PDE4A: variants seen among roughly 807,000 people sequenced by gnomAD.
PDE4A encodes 3',5'-cyclic-AMP phosphodiesterase 4A.
Under a neutral mutation model 73.9 loss-of-function variants are expected in PDE4A, and 21 were observed. The observed-to-expected ratio is 0.28, with a 90% confidence interval of 0.20 to 0.41. PDE4A has a LOEUF of 0.41. Ranked by LOEUF, PDE4A falls within the 10% of genes least tolerant of loss-of-function variation. The pLI is 1.00. For missense variants in PDE4A, 958 were observed against 1,211.4 expected (o/e 0.79, Z 3.10); for synonymous variants, 463 against 505.4 (o/e 0.92, Z 1.13).
At chr19:10,460,940 C>CAGGT in intron 10 of PDE4A, 64 bp from the exon 11 acceptor site, 1 of 1,525,406 alleles carries the variant, frequency 6.6e-7, no homozygotes, top group Non-Finnish European at 8.9e-7. Context: ...GTGAGACAAA[C>CAGGT]AGGTGCTCAC....
chr19:10,455,629 G>A (rs890131873), intron 7 of PDE4A, among the ~76,000 whole-genome samples: 17 of 152,066 alleles, frequency 1.1e-4, no homozygotes, highest in African/African-American at 1.4e-4. Flanking sequence ...GTGAGACTCC[G>A]TCTCAAAACA....
At position 10,453,067 on chromosome 19, in the gene PDE4A, G is replaced by A. The variant is rs1347846804; in HGVS notation, c.784-1762G>A. On this transcript the variant is annotated intron_variant, in intron 6 of 14. Transcript: ENST00000380702. The surrounding 1 kb of genome is among the most constrained non-coding windows in gnomAD (Gnocchi z 4.6). ...GCCCGTTGGGGCCCAGGGCTGGCGG[G>A]CCATGTAACCAGGGCTGCTGCTGGG... 3 of 1,335,608 alleles carry A rather than the reference G, an allele frequency of 2.2e-6. No individual in the cohort carries two copies. Among genetic ancestry groups the A allele is most frequent in the Non-Finnish European group, 2.9e-6 (3 of 1,045,084 alleles). The allele number at this position is 1,335,608 out of a possible 1,614,324, so 82.7% of individuals were successfully genotyped here. A position where few individuals can be genotyped will look rare whatever the true frequency, so the allele number is the denominator to read the frequency against.
intron 14 of PDE4A, among the ~76,000 whole-genome samples, chr19:10,465,736 C>G (rs1336494278): frequency 2.0e-5 from 2 of 101,342 alleles, no homozygotes; most frequent in East Asian, 6.0e-4. Context: ...GTCTCACTCT[C>G]GTTCCCCAGG....
Position 10,453,932 on chromosome 19 carries a change from G to T in PDE4A, c.784-897G>T, listed in dbSNP as rs879923663. ...CCCCGTCCAAGCCTGGGCCATGCAG[G>T]CTCACCCCTCCTGCCAAGTGTCCCT... On this transcript the variant is annotated intron_variant, in intron 6 of 14. Coordinates refer to ENST00000380702, the MANE Select transcript of PDE4A (RefSeq NM_001111307.2). This position sits in a 1 kb window ranked among gnomAD's most constrained non-coding sequence, Gnocchi z 4.6. Among the ~76,000 whole-genome samples, 5 of 152,140 alleles carry T rather than the reference G, an allele frequency of 3.3e-5. No homozygotes were observed. Among genetic ancestry groups the T allele is most frequent in the Non-Finnish European group, 5.9e-5 (4 of 68,012 alleles).
In PDE4A at chr19:10,424,625, T is replaced by A. The variant is rs2042691937; in HGVS notation, c.320+3541T>A. Among the ~76,000 whole-genome samples, 1 of 152,250 alleles carries A rather than the reference T, an allele frequency of 6.6e-6. No individual in the cohort carries two copies. The highest frequency in any genetic ancestry group is 1.5e-5 in the Non-Finnish European group (1 of 68,038). ...ATTATTATTTTATGCTTATTGAGCG[T>A]CCTGGAGAGCGGGCGCCAGGCCGGC... On this transcript the variant is annotated intron_variant, in intron 1 of 14. Transcript: ENST00000380702. This position sits in a 1 kb window ranked among gnomAD's most constrained non-coding sequence, Gnocchi z 4.8.
At chr19:10,432,859 G>T (rs2042814054) in intron 1 of PDE4A, among the ~76,000 whole-genome samples, 8 of 152,148 alleles carry the variant, frequency 5.3e-5, no homozygotes, top group Admixed American at 5.2e-4. Flanking sequence ...CACTTTGGCT[G>T]CAAATATGGG....
In PDE4A at chr19:10,459,753, A is replaced by G; in HGVS notation, c.1359A>G (p.Ala453=). ...QSTHVLLATP[A]LDAVFTDLEI... is the part of the protein sequence containing the mutation. ...CCCACGTACTGCTGGCCACGCCTGC[A>G]CTAGATGTGAGTGACTGCCCTGTGA... The change falls in exon 10 of 15, where the codon GCA becomes GCG. Residue 453 remains alanine (A), a synonymous_variant. Coordinates refer to ENST00000380702, the MANE Select transcript of PDE4A (RefSeq NM_001111307.2). 8 of 1,607,456 alleles carry G rather than the reference A, an allele frequency of 5.0e-6. No individual in the cohort carries two copies. The highest frequency in any genetic ancestry group is 1.7e-4 in the Middle Eastern group (1 of 5,820).
intron 1 of PDE4A, among the ~76,000 whole-genome samples, chr19:10,430,664 C>G (rs944393595): frequency 6.6e-6 from 1 of 151,732 alleles, no homozygotes; most frequent in South Asian, 2.1e-4. Context: ...CCACCAGAGC[C>G]GTGCGGGCGC....
At chr19:10,462,635 C>T (rs2043293049) in intron 13 of PDE4A, among the ~76,000 whole-genome samples, 1 of 151,790 alleles carries the variant, frequency 6.6e-6, no homozygotes. Flanking sequence ...TTCTGTCTGT[C>T]CCCTTCTCCA....
intron 6 of PDE4A, among the ~76,000 whole-genome samples, chr19:10,451,658 T>C (rs968685274): frequency 2.0e-5 from 3 of 152,002 alleles, no homozygotes; most frequent in Non-Finnish European, 4.4e-5. Flanking sequence ...AAACTGAATG[T>C]GTAGCTCTAT....
intron 1 of PDE4A, among the ~76,000 whole-genome samples, chr19:10,445,665 G>A (rs932669952): frequency 6.6e-6 from 1 of 151,514 alleles, no homozygotes; most frequent in Non-Finnish European, 1.5e-5. Context: ...CTACGCAGGA[G>A]GCTGAGGCAG....
At chr19:10,465,462 C>T (rs1272485625) in intron 14 of PDE4A, among the ~76,000 whole-genome samples, 8 of 151,074 alleles carry the variant, frequency 5.3e-5, no homozygotes, top group Non-Finnish European at 1.0e-4. Flanking sequence ...TCAGGTGATC[C>T]GCCCACCTCG....
chr19:10,449,613 G>A (rs1334719064), intron 4 of PDE4A, among the ~76,000 whole-genome samples: 1 of 152,048 alleles, frequency 6.6e-6, no homozygotes, highest in Non-Finnish European at 1.5e-5. Context: ...ACCCGCCTCA[G>A]CCTCCCAAAG....
In PDE4A at chr19:10,424,955, G is replaced by A. The variant is rs1320850837; in HGVS notation, c.320+3871G>A. ...TAAAAACCAGATCTCGGCCAGGCGC[G>A]GTGGCTCTGTAATCTGAGCACTTTG... On this transcript the variant is annotated intron_variant, in intron 1 of 14. Transcript: ENST00000380702. The surrounding 1 kb of genome is among the most constrained non-coding windows in gnomAD (Gnocchi z 4.8). Among the ~76,000 whole-genome samples the A allele has an allele frequency of 6.6e-6, 1 of 152,172 alleles. No individual in the cohort carries two copies. The highest frequency in any genetic ancestry group is 1.5e-5 in the Non-Finnish European group (1 of 68,010).
chr19:10,450,556 G>C, intron 4 of PDE4A, 47 bp from the exon 5 acceptor site: 2 of 1,554,804 alleles, frequency 1.3e-6, no homozygotes, highest in Non-Finnish European at 1.7e-6. Context: ...GGGACCTGGT[G>C]GGGGGACCCA....
rs74944457 is a variant in PDE4A, at chr19:10,463,520, G to A, written c.1744-273G>A. Among the ~76,000 whole-genome samples the A allele has an allele frequency of 5.1e-3, 774 of 150,690 alleles. 12 individuals carry two copies. The highest frequency in any genetic ancestry group is 0.033 in the East Asian group (169 of 5,144). Reference sequence around the variant, plus strand: ...GGGTTCAAGCAATTCTCCTGCCTCAGCCCCACTATAGCTGGGATTACAGGC... The same window carrying A: ...GGGTTCAAGCAATTCTCCTGCCTCAACCCCACTATAGCTGGGATTACAGGC... On this transcript the variant is annotated intron_variant, in intron 13 of 14. Coordinates refer to ENST00000380702, the MANE Select transcript of PDE4A (RefSeq NM_001111307.2).
In PDE4A at chr19:10,463,861, G is replaced by A. The variant is rs749694677; in HGVS notation, c.1812G>A (p.Gln604=). ...NPTKPLELYR[Q]WTDRIMAEFF... ...CCAAGCCGCTGGAGCTGTACCGCCA[G>A]TGGACAGACCGCATCATGGCCGAGT... The change falls in exon 14 of 15, where the codon CAG becomes CAA. Residue 604 remains glutamine, a synonymous_variant. Transcript: ENST00000380702. 9.9e-6 allele frequency: 16 copies of A among 1,614,192 alleles called. No homozygotes were observed. The South Asian group carries it at 1.2e-4, about 12-fold the overall frequency.
intron 11 of PDE4A, chr19:10,461,325 G>C: frequency 2.2e-6 from 2 of 902,384 alleles, no homozygotes; most frequent in African/African-American, 1.9e-5. Context: ...GGCTGGAAAG[G>C]GGATGAACGG....
intron 1 of PDE4A, among the ~76,000 whole-genome samples, chr19:10,434,435 T>C (rs963283141): frequency 4.6e-5 from 7 of 152,116 alleles, no homozygotes; most frequent in Admixed American, 2.0e-4. Context: ...CTCAAACTCC[T>C]GGCCCTAAGT....
Sources: allele counts gnomAD v4.1 joint callset (sites outside exome capture counted in the v4.1 genomes callset), GRCh38; gene constraint gnomAD v4.1.1; non-coding constraint Gnocchi (gnomAD v3.1); transcripts MANE v1.5; gene names NCBI Gene and HGNC (gene_info 2026-07-23, HGNC 2026-07-21).